The following LDHC variants were observed in gnomAD, a reference collection of about 807,000 sequenced individuals.
LDHC encodes the protein lactate dehydrogenase C.
Under a neutral mutation model 30.2 loss-of-function variants are expected in LDHC, and 20 were observed. That is an observed-to-expected ratio of 0.66 (90% CI 0.47 to 0.96). The LOEUF (loss-of-function observed/expected upper bound fraction) is 0.96. Among genes scored for constraint, LDHC ranks in the 40% least tolerant of loss-of-function variants. The probability of loss-of-function intolerance (pLI) is 0.00; values close to 1 mark genes in which losing one functional copy is unlikely to be tolerated. For synonymous variants in LDHC, 139 were observed against 132.7 expected (o/e 1.05, Z -0.32); for missense variants, 362 against 394.9 (o/e 0.92, Z 0.71).
intron 5 of LDHC, among the ~76,000 whole-genome samples, chr11:18,436,716 C>A (rs111838231): frequency 6.6e-6 from 1 of 151,802 alleles, no homozygotes; most frequent in Non-Finnish European, 1.5e-5. Flanking sequence ...GAACTCTTGA[C>A]GTCAGGTGAT....
chr11:18,414,041 GCCTT>G (rs112918968), intron 2 of LDHC, among the ~76,000 whole-genome samples: 2,078 of 152,286 alleles, frequency 0.014, 52 homozygotes, highest in African/African-American at 0.047. Context: ...AATTCGTAGA[GCCTT>G]TCTATGTGGT....
At chr11:18,412,547 C>T in intron 1 of LDHC, 139 bp downstream of exon 1, 2 of 599,562 alleles carry the variant, frequency 3.3e-6, no homozygotes, top group Non-Finnish European at 5.7e-6. Flanking sequence ...CCTCCCATTG[C>T]CTGGTAGACT....
intron 7 of LDHC, chr11:18,449,966 A>C (rs1848627935): frequency 6.6e-6 from 1 of 152,070 alleles, no homozygotes; most frequent in African/African-American, 2.4e-5. Flanking sequence ...CCACAACCCC[A>C]GACTCAGCCC....
intron 3 of LDHC, among the ~76,000 whole-genome samples, chr11:18,428,768 A>T (rs1848209920): frequency 6.6e-6 from 1 of 151,762 alleles, no homozygotes; most frequent in Non-Finnish European, 1.5e-5. Flanking sequence ...CCAGCTACTC[A>T]GGAGGCTGAT....
chr11:18,437,761 A>G (rs1848382220), intron 5 of LDHC, among the ~76,000 whole-genome samples: 1 of 151,234 alleles, frequency 6.6e-6, no homozygotes, highest in Non-Finnish European at 1.5e-5. Context: ...CAAAAAAAAA[A>G]AAAAAAGAAA....
intron 3 of LDHC, among the ~76,000 whole-genome samples, chr11:18,424,906 G>T (rs1168052924): frequency 6.6e-6 from 1 of 152,060 alleles, no homozygotes; most frequent in Non-Finnish European, 1.5e-5. Context: ...TACTCGGGAG[G>T]CTGAGGCAGG....
chr11:18,434,217 A>T (rs1425816721), intron 4 of LDHC, among the ~76,000 whole-genome samples: 33 of 146,082 alleles, frequency 2.3e-4, no homozygotes, highest in African/African-American at 2.0e-4. Context: ...TTCTTGTATC[A>T]TTTTTTTTTT....
chr11:18,431,877 G>A (rs1055497067), intron 4 of LDHC, among the ~76,000 whole-genome samples: 1 of 152,102 alleles, frequency 6.6e-6, no homozygotes, highest in African/African-American at 2.4e-5. Flanking sequence ...GGTTAATCTT[G>A]CTAATAGTCT....
At chr11:18,424,468 T>C (rs1848126836) in intron 3 of LDHC, among the ~76,000 whole-genome samples, 1 of 152,164 alleles carries the variant, frequency 6.6e-6, no homozygotes, top group African/African-American at 2.4e-5. Context: ...ATTACACTTC[T>C]AAATATAGTC....
At chr11:18,449,425 T>C (rs1284344330) in intron 7 of LDHC, among the ~76,000 whole-genome samples, 5 of 68,736 alleles carry the variant, frequency 7.3e-5, no homozygotes, top group African/African-American at 3.5e-4. Flanking sequence ...AGACACTGTC[T>C]CCTAAAAAAA....
intron 3 of LDHC, among the ~76,000 whole-genome samples, chr11:18,424,686 A>G (rs185920514): frequency 8.5e-5 from 13 of 152,332 alleles, no homozygotes; most frequent in Admixed American, 7.8e-4. Context: ...AAGGGAATAC[A>G]TGCCTTATGA....
At chr11:18,422,319 G>C (rs1410426088) in intron 3 of LDHC, among the ~76,000 whole-genome samples, 2 of 152,086 alleles carry the variant, frequency 1.3e-5, no homozygotes, top group Non-Finnish European at 2.9e-5. Flanking sequence ...ACTCTGGGAG[G>C]CTGAGGTGGT....
At chr11:18,414,631 CA>C (rs1866972224) in intron 2 of LDHC, among the ~76,000 whole-genome samples, 1 of 152,044 alleles carries the variant, frequency 6.6e-6, no homozygotes, top group Non-Finnish European at 1.5e-5. Context: ...AGTTTGAGAC[CA>C]GCCTGACCAA....
chr11:18,450,828 C>A, intron 7 of LDHC, 135 bp from the exon 8 acceptor site: 1 of 599,030 alleles, frequency 1.7e-6, no homozygotes, highest in Non-Finnish European at 2.8e-6. Context: ...CTTTTGCTGA[C>A]CATCACTCTG....
intron 6 of LDHC, among the ~76,000 whole-genome samples, chr11:18,445,160 C>CTGTGTGT (rs1312067182): frequency 6.6e-6 from 1 of 151,530 alleles, no homozygotes; most frequent in African/African-American, 2.4e-5. Context: ...CAGCTTACAA[C>CTGTGTGT]TGTATAAATT....
chr11:18,414,192 T>C (rs1423886615), intron 2 of LDHC, among the ~76,000 whole-genome samples: 1 of 152,228 alleles, frequency 6.6e-6, no homozygotes, highest in Non-Finnish European at 1.5e-5. Context: ...ATCTTCCGTC[T>C]TCCATTTTCA....
chr11:18,441,868 T>C (rs1848472077), intron 6 of LDHC, among the ~76,000 whole-genome samples: 1 of 152,074 alleles, frequency 6.6e-6, no homozygotes, highest in Admixed American at 6.5e-5. Flanking sequence ...GTTACGCCAC[T>C]GCACTCCAGC....
chr11:18,438,779 C>A, intron 6 of LDHC, 134 bp downstream of exon 6: 1 of 505,248 alleles, frequency 2.0e-6, no homozygotes, highest in Non-Finnish European at 3.6e-6. Context: ...CCACTAAATT[C>A]AGACTTATAC....
intron 4 of LDHC, among the ~76,000 whole-genome samples, chr11:18,430,227 C>T (rs1848241540): frequency 6.6e-6 from 1 of 152,152 alleles, no homozygotes; most frequent in Non-Finnish European, 1.5e-5. Flanking sequence ...TGACTTCTTT[C>T]ACCCAGCATA....
Sources: gnomAD v4.1 joint callset for allele counts (sites outside exome capture counted in the v4.1 genomes callset) on GRCh38, gnomAD v4.1.1 for gene constraint, MANE v1.5 for transcripts, NCBI Gene and HGNC (gene_info 2026-07-23, HGNC 2026-07-21) for gene names.